The following LARP4 variants were observed in gnomAD, a reference collection of about 807,000 sequenced individuals.
LARP4 encodes La ribonucleoprotein 4.
In LARP4, 29 loss-of-function variants were observed where a neutral mutation model predicts 92.9. That is an observed-to-expected ratio of 0.31 (90% CI 0.23 to 0.43). The LOEUF (loss-of-function observed/expected upper bound fraction) is 0.43, where lower values mean the gene tolerates loss of function less well. Ranked by LOEUF, LARP4 falls within the 20% of genes least tolerant of loss-of-function variation. The probability of loss-of-function intolerance (pLI) is 1.00; values close to 1 mark genes in which losing one functional copy is unlikely to be tolerated. For missense variants in LARP4, 732 were observed against 860.0 expected (o/e 0.85, Z 1.86); for synonymous variants, 279 against 284.1 (o/e 0.98, Z 0.18).
intron 1 of LARP4, among the ~76,000 whole-genome samples, chr12:50,413,222 CAA>C (rs59345865): frequency 0.12 from 16,040 of 138,944 alleles, 1,662 homozygotes; most frequent in East Asian, 0.45. Context: ...GACTGTGTCT[CAA>C]AAAAAAAAAA....
chr12:50,427,196 AAGT>A (rs1948929132), intron 1 of LARP4, among the ~76,000 whole-genome samples: 1 of 152,202 alleles, frequency 6.6e-6, no homozygotes, highest in Non-Finnish European at 1.5e-5. Context: ...TCAGACTCTA[AAGT>A]ATCACAGCTT....
At chr12:50,440,353 C>A in intron 6 of LARP4, 86 bp from the exon 7 acceptor site, 2 of 914,730 alleles carry the variant, frequency 2.2e-6, no homozygotes, top group Non-Finnish European at 3.5e-6. Flanking sequence ...TGAAGATAGG[C>A]TTAACATTAC....
chr12:50,462,600 T>C lies in LARP4; in HGVS notation c.1353T>C (p.Gly451=). 7.0e-7 allele frequency: 1 copy of C among 1,421,384 alleles called. No individual in the cohort carries two copies. The highest frequency in any genetic ancestry group is 9.3e-7 in the Non-Finnish European group (1 of 1,074,046). The allele number at this position is 1,421,384 out of a possible 1,614,324, so 88.0% of individuals were successfully genotyped here. ...TTAAAAGGAGAACTCTCTTCAGAGG[T>C]CGAAGACGACGAGAAGATGACAGGA... ...YGRGRRTLFR[G]RRRREDDRIS... The change falls in exon 12 of 16, where the codon GGT becomes GGC. Residue 451 remains glycine (G), a synonymous_variant. Transcript: ENST00000398473.
chr12:50,475,251 T>A (rs1957413442), intron 15 of LARP4, among the ~76,000 whole-genome samples: 1 of 152,208 alleles, frequency 6.6e-6, no homozygotes, highest in Admixed American at 6.5e-5. Flanking sequence ...GCTATACCAT[T>A]ATTCATCTAA....
intron 8 of LARP4, 60 bp from the exon 9 acceptor site, chr12:50,453,400 A>T: frequency 2.1e-6 from 2 of 968,202 alleles, no homozygotes; most frequent in Non-Finnish European, 1.6e-6. Context: ...AATGTAAATT[A>T]AATGTATTTT....
At chr12:50,401,495 A>G (rs373460729) in intron 1 of LARP4, among the ~76,000 whole-genome samples, 1 of 152,240 alleles carries the variant, frequency 6.6e-6, no homozygotes, top group South Asian at 2.1e-4. Context: ...TATTTTGAAA[A>G]GAAAATTGAA....
At position 50,475,593 on chromosome 12, in the gene LARP4, T is replaced by G. The variant is rs749791498; in HGVS notation, c.1904T>G (p.Val635Gly). 10 of 1,614,054 alleles carry G rather than the reference T, an allele frequency of 6.2e-6. No individual in the cohort carries two copies. Among genetic ancestry groups the G allele is most frequent in the Non-Finnish European group, 8.5e-6 (10 of 1,180,050 alleles). ...KPPKEPSSVLVQPLRELRSNV... is the reference protein window; with the variant it reads ...KPPKEPSSVLGQPLRELRSNV... ...CCTAAAGAGCCATCTTCAGTTCTTG[T>G]GCAGCCACTACGGGAACTTCGCTCC... Residue 635 changes from valine to glycine, a missense_variant, in exon 16 of 16, where the codon GTG becomes GGG. Transcript: ENST00000398473.
intron 1 of LARP4, among the ~76,000 whole-genome samples, chr12:50,407,294 G>A (rs988421460): frequency 2.0e-5 from 3 of 152,264 alleles, no homozygotes; most frequent in South Asian, 4.2e-4. Flanking sequence ...AAAGTGCTGG[G>A]ATTACGGGCG....
At chr12:50,413,639 G>A (rs541097367) in intron 1 of LARP4, among the ~76,000 whole-genome samples, 237 of 152,190 alleles carry the variant, frequency 1.6e-3, no homozygotes, top group African/African-American at 5.6e-3. Flanking sequence ...AATCTTATGG[G>A]ACCACTGTTG....
intron 3 of LARP4, among the ~76,000 whole-genome samples, chr12:50,429,699 C>T (rs1350566770): frequency 2.0e-5 from 3 of 152,224 alleles, no homozygotes; most frequent in South Asian, 4.1e-4. Flanking sequence ...AGTGCAGTGG[C>T]GTGATCTTGG....
At chr12:50,459,527 T>C (rs113688812) in intron 10 of LARP4, among the ~76,000 whole-genome samples, 1,751 of 152,202 alleles carry the variant, frequency 0.012, 44 homozygotes, top group African/African-American at 0.04. Context: ...GTGGTTTTGC[T>C]TCCATTAAGA....
At chr12:50,421,041 C>T (rs1377521670) in intron 1 of LARP4, among the ~76,000 whole-genome samples, 1 of 150,508 alleles carries the variant, frequency 6.6e-6, no homozygotes. Flanking sequence ...CCTCCACCTC[C>T]TGGGTTCAAG....
intron 14 of LARP4, among the ~76,000 whole-genome samples, 184 bp from the exon 15 acceptor site, chr12:50,473,815 G>T (rs1957219632): frequency 3.9e-5 from 5 of 128,328 alleles, no homozygotes; most frequent in South Asian, 2.8e-4. Flanking sequence ...GTGGGGGGGT[G>T]GGGGGGGTGG....
chr12:50,461,335 A>G lies in LARP4; in HGVS notation c.1322A>G (p.Tyr441Cys), dbSNP rs1408750702. Residue 441 changes from tyrosine (Y) to cysteine (C), a missense_variant, in exon 11 of 16, where the codon TAT (tyrosine) becomes TGT (cysteine). Coordinates refer to ENST00000398473, the MANE Select transcript of LARP4 (RefSeq NM_052879.5). Reference sequence around the variant, plus strand: ...TTGCAGGTGGAACAGAATGGGGACTATGGTAGGGGCAGGTAAGAAAATAAA... The same window carrying G: ...TTGCAGGTGGAACAGAATGGGGACTGTGGTAGGGGCAGGTAAGAAAATAAA... ...STLQVEQNGD[Y>C]GRGRRTLFRG... 1.4e-5 allele frequency: 23 copies of G among 1,613,780 alleles called. No homozygotes were observed. The highest frequency in any genetic ancestry group is 4.0e-5 in the African/African-American group (3 of 74,904).
At chr12:50,402,091 G>C (rs1172745226) in intron 1 of LARP4, among the ~76,000 whole-genome samples, 4 of 152,078 alleles carry the variant, frequency 2.6e-5, no homozygotes, top group Non-Finnish European at 5.9e-5. Flanking sequence ...GTTGTATAAT[G>C]AATCTAGGAG....
intron 1 of LARP4, among the ~76,000 whole-genome samples, chr12:50,419,966 C>G (rs940452283): frequency 1.3e-5 from 2 of 152,066 alleles, no homozygotes; most frequent in African/African-American, 2.4e-5. Context: ...AGAAAAATAG[C>G]CTTACAGTAG....
At chr12:50,457,201 C>CTTTTT (rs780762988) in intron 10 of LARP4, among the ~76,000 whole-genome samples, 3 of 119,256 alleles carry the variant, frequency 2.5e-5, no homozygotes, top group Admixed American at 9.2e-5. Context: ...CATACCCGGC[C>CTTTTT]TTTTTTTTTT....
rs373575841 is a variant in LARP4 at position 50,473,601 on chromosome 12, C to T, written c.1667+65C>T. 2.8e-4 allele frequency: 439 copies of T among 1,548,796 alleles called. 2 individuals are homozygous for T. In the East Asian group the frequency reaches 9.7e-3, roughly 34 times the overall value. ...CTTTTTCTGGCCGGGTGTGGTGGCT[C>T]TCACCTGTAATCCCAGCACTTTGGG... On this transcript the variant is annotated intron_variant, in intron 14 of 15. Coordinates refer to ENST00000398473, the MANE Select transcript of LARP4 (RefSeq NM_052879.5).
intron 3 of LARP4, 60 bp from the exon 4 acceptor site, chr12:50,430,435 G>A (rs1949468907): frequency 2.3e-6 from 2 of 879,882 alleles, no homozygotes; most frequent in East Asian, 4.9e-5. Context: ...CAGTATGTCA[G>A]ATTTATCACC....
Sources: gnomAD v4.1 joint callset for allele counts (sites outside exome capture counted in the v4.1 genomes callset) on GRCh38, gnomAD v4.1.1 for gene constraint, MANE v1.5 for transcripts, NCBI Gene and HGNC (gene_info 2026-07-23, HGNC 2026-07-21) for gene names.